The following CCDC170 variants were observed in gnomAD, a reference collection of about 807,000 sequenced individuals.
CCDC170 encodes coiled-coil domain containing 170, also known as coiled-coil domain-containing protein 170.
Under a neutral mutation model 72.6 loss-of-function variants are expected in CCDC170, and 69 were observed. The observed-to-expected ratio is 0.95, with a 90% CI of 0.78 to 1.16. CCDC170 has a LOEUF of 1.16. Among genes scored for constraint, CCDC170 ranks in the 50% most tolerant of loss-of-function variants. The pLI is 0.00. For missense variants in CCDC170, 852 were observed against 832.5 expected, an observed-to-expected ratio of 1.02 and a Z score of -0.29; for synonymous variants, 300 against 303.9, an observed-to-expected ratio of 0.99 and a Z score of 0.13.
At chr6:151,612,205 G>T (rs1348543500) in intron 9 of CCDC170, among the ~76,000 whole-genome samples, 1 of 152,156 alleles carries the variant, frequency 6.6e-6, no homozygotes. Flanking sequence ...TAGTGGGATA[G>T]TGAGAGCCTT....
At position 151,618,320 on chromosome 6, in the gene CCDC170, G is replaced by A; in HGVS notation, c.*173G>A. The A allele has an allele frequency of 1.7e-6, 1 of 587,678 alleles. No homozygotes were observed. Among genetic ancestry groups the A allele is most frequent in the Non-Finnish European group, 2.9e-6 (1 of 340,612 alleles). The allele number at this position is 587,678 out of a possible 1,614,324, so 36.4% of individuals were successfully genotyped here. On this transcript the variant is annotated 3_prime_UTR_variant, in exon 11 of 11. Transcript: ENST00000239374. Reference sequence around the variant, plus strand: ...TCAAAAGTGTCAGCCTTAGATAAACGTTCAGCATTAAAAACGCCTATTATT... The same window carrying A: ...TCAAAAGTGTCAGCCTTAGATAAACATTCAGCATTAAAAACGCCTATTATT...
chr6:151,557,280 A>ATAG (rs1782996473), intron 5 of CCDC170, among the ~76,000 whole-genome samples: 1 of 151,908 alleles, frequency 6.6e-6, no homozygotes, highest in Non-Finnish European at 1.5e-5. Context: ...GTGGTGGTGC[A>ATAG]CGCCTGTAGT....
intron 5 of CCDC170, among the ~76,000 whole-genome samples, chr6:151,564,932 G>T (rs1391410455): frequency 3.3e-5 from 5 of 152,204 alleles, no homozygotes; most frequent in African/African-American, 1.2e-4. Context: ...GGTAGCTGCA[G>T]TGGGGCCCTG....
chr6:151,592,561 T>G (rs1776558615), intron 7 of CCDC170, among the ~76,000 whole-genome samples: 1 of 152,138 alleles, frequency 6.6e-6, no homozygotes, highest in East Asian at 1.9e-4. Flanking sequence ...TTTCCCCTTA[T>G]AAAACCATCA....
chr6:151,536,423 A>G lies in CCDC170; in HGVS notation c.163A>G (p.Lys55Glu). Residue 55 changes from lysine to glutamate, a missense_variant, in exon 2 of 11, where the codon AAA becomes GAA. By Grantham distance (56) the Lys-to-Glu change is moderately conservative (BLOSUM62 1). Coordinates refer to ENST00000239374, the MANE Select transcript of CCDC170 (RefSeq NM_025059.4). ...ARSELAATLV[K>E]FECAQSELQD... ...AAGTGAACTTGCAGCAACTTTGGTCAAATTTGAATGTGCTCAGTCTGAGGT... is the reference window on the plus strand; with the variant it reads ...AAGTGAACTTGCAGCAACTTTGGTCGAATTTGAATGTGCTCAGTCTGAGGT... 1 of 1,614,122 alleles carries G rather than the reference A, an allele frequency of 6.2e-7. No homozygotes were observed. Among genetic ancestry groups the G allele is most frequent in the Non-Finnish European group, 8.5e-7 (1 of 1,180,000 alleles).
chr6:151,594,813 G>A lies in CCDC170; in HGVS notation c.1468-1522G>A, dbSNP rs377033718. Among the ~76,000 whole-genome samples the A allele has an allele frequency of 8.6e-5, 13 of 152,036 alleles. No homozygotes were observed. In the South Asian group the frequency reaches 2.7e-3, roughly 32 times the overall value. On this transcript the variant is annotated intron_variant, in intron 8 of 10. Transcript: ENST00000239374. ...ATTACAGGCACCTGCAACCATGCCT[G>A]GCTAATTTTGTATTTTTAGTAGAGA... is the stretch of plus-strand genomic sequence containing the variant.
At chr6:151,549,152 G>T (rs1053154126) in intron 5 of CCDC170, among the ~76,000 whole-genome samples, 1 of 151,854 alleles carries the variant, frequency 6.6e-6, no homozygotes, top group African/African-American at 2.4e-5. Flanking sequence ...TGATCTGCCC[G>T]CCTCAGCCTC....
chr6:151,554,017 ACT>A (rs910277021), intron 5 of CCDC170, among the ~76,000 whole-genome samples: 1 of 152,084 alleles, frequency 6.6e-6, no homozygotes, highest in Admixed American at 6.6e-5. Context: ...CTGCTTGAAG[ACT>A]CTACTTCAGT....
At chr6:151,497,884 G>A (rs567373810) in intron 1 of CCDC170, among the ~76,000 whole-genome samples, 1 of 145,860 alleles carries the variant, frequency 6.9e-6, no homozygotes, top group South Asian at 2.2e-4. Context: ...GCTGAGGCAG[G>A]AGAATTGCCT....
At chr6:151,568,287 G>T (rs931964506) in intron 5 of CCDC170, among the ~76,000 whole-genome samples, 1 of 152,098 alleles carries the variant, frequency 6.6e-6, no homozygotes, top group Non-Finnish European at 1.5e-5. Context: ...TGTCCAAGGA[G>T]GGTTTTGTCT....
chr6:151,606,091 GGGGTTTCA>G, intron 9 of CCDC170, among the ~76,000 whole-genome samples: 1 of 152,048 alleles, frequency 6.6e-6, no homozygotes, highest in Non-Finnish European at 1.5e-5. Flanking sequence ...TAGTAGAGAC[GGGGTTTCA>G]GCATTTTGGC....
At chr6:151,526,099 C>CCTTCCTTCCTTCCTTCCTTT (rs1782404023) in intron 1 of CCDC170, among the ~76,000 whole-genome samples, 1 of 119,348 alleles carries the variant, frequency 8.4e-6, no homozygotes, top group African/African-American at 3.1e-5. Flanking sequence ...TTCCTTTCTT[C>CCTTCCTTCCTTCCTTCCTTT]CTTCCTTCCT....
In CCDC170 at chr6:151,621,170, A is replaced by G. The variant is rs1346739378; in HGVS notation, c.*3023A>G. ...CAAATTGAAAACTTTTAATAAAGCCATTTTCTTCTTTGTTAAAATGCCAGT... is the reference window on the plus strand; with the variant it reads ...CAAATTGAAAACTTTTAATAAAGCCGTTTTCTTCTTTGTTAAAATGCCAGT... On this transcript the variant is annotated 3_prime_UTR_variant, in exon 11 of 11. Coordinates refer to ENST00000239374, the MANE Select transcript of CCDC170 (RefSeq NM_025059.4). 2.6e-5 allele frequency: 4 copies of G among 152,138 alleles called. No individual in the cohort carries two copies. Among genetic ancestry groups the G allele is most frequent in the Non-Finnish European group, 5.9e-5 (4 of 68,018 alleles). 9.4% of individuals were successfully genotyped at this position (152,138 alleles called of 1,614,324 possible). A position where few individuals can be genotyped will look rare whatever the true frequency, so the allele number is the denominator to read the frequency against.
intron 9 of CCDC170, among the ~76,000 whole-genome samples, chr6:151,607,275 A>G (rs556190247): frequency 3.2e-4 from 49 of 152,294 alleles, no homozygotes; most frequent in African/African-American, 1.1e-3. Context: ...TAAACTATTT[A>G]CATTCAAGGT....
At chr6:151,582,794 G>A (rs923795994) in intron 6 of CCDC170, among the ~76,000 whole-genome samples, 22 of 152,010 alleles carry the variant, frequency 1.4e-4, no homozygotes, top group Admixed American at 1.4e-3. Flanking sequence ...TCAACAACCA[G>A]AGCTCATGGG....
intron 5 of CCDC170, among the ~76,000 whole-genome samples, chr6:151,571,340 T>C (rs1776216021): frequency 6.6e-6 from 1 of 152,122 alleles, no homozygotes; most frequent in Non-Finnish European, 1.5e-5. Context: ...TTTTACCAGT[T>C]AACTAGGTAG....
chr6:151,597,677 G>A (rs1045513797), intron 9 of CCDC170, among the ~76,000 whole-genome samples: 1 of 152,200 alleles, frequency 6.6e-6, no homozygotes, highest in Non-Finnish European at 1.5e-5. Flanking sequence ...TATATTCAAG[G>A]TGTTCAACTT....
chr6:151,583,905 G>A (rs986801291), intron 6 of CCDC170, among the ~76,000 whole-genome samples: 2 of 152,230 alleles, frequency 1.3e-5, no homozygotes, highest in African/African-American at 4.8e-5. Flanking sequence ...ACGTACACAT[G>A]TATCATTTAA....
At chr6:151,585,220 A>G (rs2115103801) in intron 6 of CCDC170, among the ~76,000 whole-genome samples, 1 of 152,270 alleles carries the variant, frequency 6.6e-6, no homozygotes, top group South Asian at 2.1e-4. Context: ...GGACTTTAAC[A>G]TGGGACAGTA....
Sources: allele counts gnomAD v4.1 joint callset (sites outside exome capture counted in the v4.1 genomes callset), GRCh38; gene constraint gnomAD v4.1.1; transcripts MANE v1.5; gene names NCBI Gene and HGNC (gene_info 2026-07-23, HGNC 2026-07-21).